Variants in PTPRG observed in about 807,000 individuals in gnomAD.
PTPRG encodes protein tyrosine phosphatase receptor type G, also known as receptor-type tyrosine-protein phosphatase gamma.
PTPRG carries 102 observed loss-of-function variants against 165.3 expected under a neutral mutation model. The ratio of observed to expected loss-of-function variants is 0.62; its 90% CI spans 0.53 to 0.73. The LOEUF (loss-of-function observed/expected upper bound fraction) is 0.73. Among genes scored for constraint, PTPRG ranks in the 30% least tolerant of loss-of-function variants. The pLI is 0.00. For missense variants in PTPRG, 1,866 were observed against 1,861.4 expected (o/e 1.00, Z -0.05); for synonymous variants, 675 against 669.5 (o/e 1.01, Z -0.13).
intron 1 of PTPRG, among the ~76,000 whole-genome samples, chr3:61,726,161 T>C (rs1260355935): frequency 1.3e-5 from 2 of 152,216 alleles, no homozygotes; most frequent in Non-Finnish European, 2.9e-5. Flanking sequence ...GACATAAATC[T>C]GCACAGAGCG....
intron 1 of PTPRG, among the ~76,000 whole-genome samples, chr3:61,579,276 C>T (rs1048688190): frequency 6.6e-6 from 1 of 152,304 alleles, no homozygotes; most frequent in Middle Eastern, 3.4e-3. Flanking sequence ...AGCGACAGCT[C>T]CCTCTCCCCG....
chr3:62,048,183 T>C (rs1700357617), intron 4 of PTPRG, among the ~76,000 whole-genome samples: 1 of 151,706 alleles, frequency 6.6e-6, no homozygotes, highest in Non-Finnish European at 1.5e-5. Flanking sequence ...AAAAGCCCAC[T>C]TAAAAAAAGA....
intron 3 of PTPRG, among the ~76,000 whole-genome samples, chr3:62,001,998 A>C (rs1225413032): frequency 1.3e-5 from 2 of 152,212 alleles, no homozygotes; most frequent in Admixed American, 6.5e-5. Context: ...TAGCATGTTT[A>C]ATTGGCACAA....
intron 1 of PTPRG, among the ~76,000 whole-genome samples, chr3:61,734,052 G>C (rs113340573): frequency 6.6e-6 from 1 of 152,156 alleles, no homozygotes; most frequent in Non-Finnish European, 1.5e-5. Context: ...AAAGTACTGC[G>C]ATTACAGGCA....
chr3:62,000,100 C>T (rs781306337), intron 3 of PTPRG, among the ~76,000 whole-genome samples: 24 of 151,944 alleles, frequency 1.6e-4, no homozygotes, highest in Middle Eastern at 3.2e-3. Flanking sequence ...GTCAGGAGTT[C>T]GAGACCAGCC....
At chr3:62,281,538 C>CCTT in intron 26 of PTPRG, 25 bp from the exon 27 acceptor site, 1 of 620,526 alleles carries the variant, frequency 1.6e-6, no homozygotes, top group Non-Finnish European at 2.1e-6. Context: ...ACTGCAGAGG[C>CCTT]TTTTTTTTTT....
intron 3 of PTPRG, among the ~76,000 whole-genome samples, chr3:61,999,153 T>A (rs1038398279): frequency 1.3e-5 from 2 of 152,072 alleles, no homozygotes; most frequent in Non-Finnish European, 2.9e-5. Context: ...TCAAGTGATT[T>A]TCCTGCCTCA....
intron 4 of PTPRG, among the ~76,000 whole-genome samples, chr3:62,074,426 A>G (rs756458288): frequency 7.4e-6 from 1 of 134,990 alleles, no homozygotes; most frequent in Non-Finnish European, 1.5e-5. Flanking sequence ...AGCCCTCAGT[A>G]GCCTCAATAG....
intron 28 of PTPRG, among the ~76,000 whole-genome samples, chr3:62,289,750 A>C (rs937411814): frequency 7.1e-6 from 1 of 140,062 alleles, no homozygotes; most frequent in African/African-American, 2.6e-5. Flanking sequence ...CATCCTCTTT[A>C]CCTTTATAAT....
intron 1 of PTPRG, among the ~76,000 whole-genome samples, chr3:61,645,981 T>C (rs183028993): frequency 4.9e-4 from 75 of 152,322 alleles, no homozygotes; most frequent in African/African-American, 1.8e-3. Context: ...ATAATCTAAC[T>C]TACTATGTGC....
chr3:61,925,745 A>AG (rs2039192632), intron 2 of PTPRG: 1 of 327,336 alleles, frequency 3.1e-6, no homozygotes, highest in Admixed American at 3.7e-5. Flanking sequence ...TCTATCTTTA[A>AG]AAAAAAAAAA....
chr3:61,740,510 C>A (rs1257066070), intron 1 of PTPRG, among the ~76,000 whole-genome samples: 3 of 151,954 alleles, frequency 2.0e-5, no homozygotes, highest in Admixed American at 6.6e-5. Context: ...AGGAATGACT[C>A]CAATGTTTTG....
chr3:61,735,909 A>ATTTT (rs11422490), intron 1 of PTPRG, among the ~76,000 whole-genome samples: 4 of 145,024 alleles, frequency 2.8e-5, no homozygotes, highest in African/African-American at 7.6e-5. Context: ...TAAAACAATG[A>ATTTT]TTTTTTTTTT....
chr3:61,787,981 TTGTC>T (rs1235429661), intron 2 of PTPRG, among the ~76,000 whole-genome samples: 2 of 152,142 alleles, frequency 1.3e-5, no homozygotes, highest in African/African-American at 2.4e-5. Flanking sequence ...ACTTGTGAGT[TTGTC>T]TGAGGAAAAT....
chr3:61,944,408 A>T (rs983843081), intron 2 of PTPRG, among the ~76,000 whole-genome samples: 3 of 152,136 alleles, frequency 2.0e-5, no homozygotes, highest in Non-Finnish European at 4.4e-5. Flanking sequence ...CAGCAGGTGG[A>T]CACCGTGCTT....
At chr3:61,863,468 ATG>A (rs1344798210) in intron 2 of PTPRG, among the ~76,000 whole-genome samples, 1 of 152,234 alleles carries the variant, frequency 6.6e-6, no homozygotes, top group East Asian at 1.9e-4. Flanking sequence ...GGCAATTAGA[ATG>A]TGTGCGTAGC....
chr3:62,012,997 A>G (rs905108050), intron 4 of PTPRG, among the ~76,000 whole-genome samples: 1 of 152,232 alleles, frequency 6.6e-6, no homozygotes, highest in African/African-American at 2.4e-5. Flanking sequence ...TGTGAACCAT[A>G]CATTGTCACT....
At chr3:62,232,842 T>C (rs1700936371) in intron 14 of PTPRG, among the ~76,000 whole-genome samples, 2 of 152,324 alleles carry the variant, frequency 1.3e-5, no homozygotes, top group South Asian at 4.1e-4. Flanking sequence ...CCTCTGATTG[T>C]GAATCATATC....
At chr3:62,290,335 A>C (rs1387920127) in intron 28 of PTPRG, among the ~76,000 whole-genome samples, 1 of 152,158 alleles carries the variant, frequency 6.6e-6, no homozygotes, top group Non-Finnish European at 1.5e-5. Flanking sequence ...CCCAACAAAA[A>C]TGTTTGTTTG....
Sources: allele counts gnomAD v4.1 joint callset (sites outside exome capture counted in the v4.1 genomes callset), GRCh38; gene constraint gnomAD v4.1.1; transcripts MANE v1.5; gene names NCBI Gene and HGNC (gene_info 2026-07-23, HGNC 2026-07-21).